Variants in GRM8 observed in about 807,000 individuals in gnomAD.
GRM8 encodes glutamate metabotropic receptor 8.
A neutral mutation model predicts 87.2 loss-of-function variants in GRM8; 47 were observed. The ratio of observed to expected loss-of-function variants is 0.54; its 90% confidence interval spans 0.43 to 0.69. GRM8 has a LOEUF of 0.69. Ranked by LOEUF, GRM8 falls within the 30% of genes least tolerant of loss-of-function variation. The probability of loss-of-function intolerance (pLI) is 0.00; values close to 1 mark genes in which losing one functional copy is unlikely to be tolerated. For synonymous variants in GRM8, 396 were observed against 404.5 expected (o/e 0.98, Z 0.25); for missense variants, 1,019 against 1,139.2 (o/e 0.89, Z 1.52).
At chr7:126,489,022 T>C (rs1207857246) in intron 9 of GRM8, among the ~76,000 whole-genome samples, 1 of 151,854 alleles carries the variant, frequency 6.6e-6, no homozygotes, top group Non-Finnish European at 1.5e-5. Flanking sequence ...GTGTATAATT[T>C]CAAGCATACA....
At chr7:127,085,470 A>G (rs1213453874) in intron 3 of GRM8, among the ~76,000 whole-genome samples, 2 of 152,096 alleles carry the variant, frequency 1.3e-5, no homozygotes, top group Non-Finnish European at 2.9e-5. Flanking sequence ...CCTCTCCAGC[A>G]TTTGTTTCCT....
At chr7:126,903,114 T>C (rs536587737) in intron 5 of GRM8, among the ~76,000 whole-genome samples, 6 of 152,296 alleles carry the variant, frequency 3.9e-5, no homozygotes, top group Admixed American at 3.3e-4. Flanking sequence ...TCAAAATTTC[T>C]CCTTCCTATA....
chr7:126,738,927 T>C (rs546347859), intron 7 of GRM8, among the ~76,000 whole-genome samples: 1 of 152,034 alleles, frequency 6.6e-6, no homozygotes, highest in East Asian at 1.9e-4. Context: ...AGGTTAAGTG[T>C]CTCAGATGCT....
chr7:127,066,636 A>C (rs1821144368), intron 3 of GRM8, among the ~76,000 whole-genome samples: 1 of 152,180 alleles, frequency 6.6e-6, no homozygotes, highest in South Asian at 2.1e-4. Flanking sequence ...TCAAATACTT[A>C]TCATTTCTTT....
intron 3 of GRM8, among the ~76,000 whole-genome samples, chr7:126,926,141 T>A (rs1402639169): frequency 6.6e-6 from 1 of 152,176 alleles, no homozygotes; most frequent in East Asian, 1.9e-4. Context: ...CCCATCATAC[T>A]ATGTAAGTGT....
chr7:127,104,557 T>C lies in GRM8; in HGVS notation c.727+1939A>G, dbSNP rs145429955. On this transcript the variant is annotated intron_variant, in intron 3 of 10. Coordinates refer to ENST00000339582, the MANE Select transcript of GRM8 (RefSeq NM_000845.3). ...TGTGGTACTAATTTGGCCTTTTCAG[T>C]ATTCTGCATATTAATTAACAATCCA... Among the ~76,000 whole-genome samples the C allele has an allele frequency of 7.8e-3, 1,189 of 152,352 alleles. 10 individuals carry two copies. The highest frequency in any genetic ancestry group is 0.026 in the African/African-American group (1,098 of 41,588).
chr7:126,964,068 G>C (rs930777488), intron 3 of GRM8, among the ~76,000 whole-genome samples: 1 of 152,092 alleles, frequency 6.6e-6, no homozygotes. Flanking sequence ...AATGGGGAAA[G>C]AATTCCCTAT....
intron 3 of GRM8, among the ~76,000 whole-genome samples, chr7:127,004,069 A>G (rs1015832736): frequency 1.3e-5 from 2 of 151,862 alleles, no homozygotes; most frequent in Middle Eastern, 3.4e-3. Context: ...ATTAATAAAA[A>G]GTACTCAAAC....
intron 6 of GRM8, among the ~76,000 whole-genome samples, chr7:126,784,162 C>T (rs1820382803): frequency 6.6e-6 from 1 of 152,036 alleles, no homozygotes. Context: ...AATTTTGGCC[C>T]AGTAAGAACT....
chr7:127,150,234 T>C (rs547465674), intron 2 of GRM8, among the ~76,000 whole-genome samples: 1 of 152,210 alleles, frequency 6.6e-6, no homozygotes, highest in East Asian at 1.9e-4. Context: ...AGGGCTCATA[T>C]GAAAGAAAAA....
In GRM8 at chr7:127,008,890, T is replaced by A. The variant is rs927147889; in HGVS notation, c.727+97606A>T. 2.0e-5 allele frequency among the ~76,000 whole-genome samples: 3 copies of A among 152,176 alleles called. No homozygotes were observed. The South Asian group carries it at 6.2e-4, about 32-fold the overall frequency. On this transcript the variant is annotated intron_variant, in intron 3 of 10. Transcript: ENST00000339582. Reference sequence around the variant, plus strand: ...TTTCCGCTTTTCAAATATGTTTTTATCTACATCAGTGTAATAAATCATTTA... The same window carrying A: ...TTTCCGCTTTTCAAATATGTTTTTAACTACATCAGTGTAATAAATCATTTA...
intron 7 of GRM8, among the ~76,000 whole-genome samples, chr7:126,716,775 T>C (rs2151439649): frequency 6.6e-6 from 1 of 152,162 alleles, no homozygotes; most frequent in Non-Finnish European, 1.5e-5. Context: ...AGAAAATAAA[T>C]TATCGGTGAG....
intron 9 of GRM8, among the ~76,000 whole-genome samples, chr7:126,457,438 G>C (rs1456433925): frequency 6.6e-6 from 1 of 151,374 alleles, no homozygotes; most frequent in Non-Finnish European, 1.5e-5. Flanking sequence ...AAAATTACCA[G>C]ATGGCCACAT....
chr7:127,146,959 G>T (rs1313850028), intron 2 of GRM8, among the ~76,000 whole-genome samples: 3 of 152,074 alleles, frequency 2.0e-5, no homozygotes, highest in Non-Finnish European at 4.4e-5. Flanking sequence ...AAGGGGAACA[G>T]AAACTAATCA....
chr7:126,691,869 A>G (rs963237009), intron 7 of GRM8, among the ~76,000 whole-genome samples: 2 of 152,242 alleles, frequency 1.3e-5, no homozygotes, highest in East Asian at 1.9e-4. Flanking sequence ...AATTCTACTC[A>G]GTGAGAATTT....
chr7:126,470,346 C>A (rs1316829649), intron 9 of GRM8, among the ~76,000 whole-genome samples: 1 of 113,196 alleles, frequency 8.8e-6, no homozygotes, highest in African/African-American at 3.4e-5. Context: ...CCCCCTCCCC[C>A]CACCCCACAA....
At chr7:126,814,195 T>C (rs2151746062) in intron 6 of GRM8, among the ~76,000 whole-genome samples, 1 of 152,196 alleles carries the variant, frequency 6.6e-6, no homozygotes, top group Non-Finnish European at 1.5e-5. Context: ...TCATGTAGTA[T>C]ACTCAGTTTT....
chr7:126,997,621 G>A (rs7796270), intron 3 of GRM8, among the ~76,000 whole-genome samples: 48,081 of 149,956 alleles, frequency 0.32, 8,065 homozygotes, highest in African/African-American at 0.39. Flanking sequence ...GATACAACAG[G>A]AATTTAAAGG....
At chr7:127,210,882 T>C (rs1258735359) in intron 2 of GRM8, among the ~76,000 whole-genome samples, 1 of 152,216 alleles carries the variant, frequency 6.6e-6, no homozygotes, top group Non-Finnish European at 1.5e-5. Flanking sequence ...AGGTACCACA[T>C]AGGTACCAAG....
Sources: allele counts gnomAD v4.1 joint callset (sites outside exome capture counted in the v4.1 genomes callset), GRCh38; gene constraint gnomAD v4.1.1; transcripts MANE v1.5; gene names NCBI Gene and HGNC (gene_info 2026-07-23, HGNC 2026-07-21).